The following DCK variants were observed in gnomAD, a reference collection of about 807,000 sequenced individuals.
DCK encodes the protein deoxycytidine kinase, also known as deoxyadenosine kinase.
In DCK, 23 loss-of-function variants were observed where a neutral mutation model predicts 38.3. The ratio of observed to expected loss-of-function variants is 0.60; its 90% CI spans 0.43 to 0.85. The LOEUF (loss-of-function observed/expected upper bound fraction) is 0.85, where lower values mean the gene tolerates loss of function less well. Among genes scored for constraint, DCK ranks in the 40% least tolerant of loss-of-function variants. DCK has a pLI of 0.00. For missense variants in DCK, 259 were observed against 304.4 expected (o/e 0.85, Z 1.11); for synonymous variants, 108 against 100.6 (o/e 1.07, Z -0.44).
chr4:71,023,484 G>T (rs1352794415), intron 3 of DCK, 75 bp from the exon 4 acceptor site: 1 of 974,886 alleles, frequency 1.0e-6, no homozygotes, highest in Non-Finnish European at 1.5e-6. Context: ...AATGTTTCAT[G>T]TTCCTGTTCT....
chr4:71,006,632 A>T (rs1488827714), intron 2 of DCK, among the ~76,000 whole-genome samples: 1 of 152,102 alleles, frequency 6.6e-6, no homozygotes, highest in East Asian at 1.9e-4. Flanking sequence ...ACATAGGGTG[A>T]CCCCGTCTCT....
intron 2 of DCK, chr4:71,006,472 AT>A (rs1005716529): frequency 3.4e-3 from 513 of 152,604 alleles, no homozygotes; most frequent in Middle Eastern, 6.7e-3. Context: ...TAATCCTGGA[AT>A]TTTTTTTTTT....
chr4:71,020,293 A>T (rs1396833002), intron 2 of DCK, among the ~76,000 whole-genome samples: 1 of 152,130 alleles, frequency 6.6e-6, no homozygotes, highest in East Asian at 1.9e-4. Context: ...TTTACTTTCA[A>T]TTCTTTTTTG....
At chr4:71,013,883 T>C (rs1740171644) in intron 2 of DCK, among the ~76,000 whole-genome samples, 1 of 152,170 alleles carries the variant, frequency 6.6e-6, no homozygotes, top group Admixed American at 6.5e-5. Flanking sequence ...AACATCATAA[T>C]GACAGGATCA....
chr4:71,029,196 A>C (rs191375982), intron 6 of DCK, among the ~76,000 whole-genome samples, 156 bp from the exon 7 acceptor site: 1 of 152,360 alleles, frequency 6.6e-6, no homozygotes, highest in East Asian at 1.9e-4. Flanking sequence ...GCCCGGCCTT[A>C]ACAATATTTC....
chr4:71,022,465 C>G lies in DCK; in HGVS notation c.306C>G (p.Leu102=). The G allele has an allele frequency of 6.2e-7, 1 of 1,610,760 alleles. No homozygotes were observed. The highest frequency in any genetic ancestry group is 8.5e-7 in the Non-Finnish European group (1 of 1,178,640). Residue 102 remains leucine (L), a synonymous_variant, in exon 3 of 7, where the codon CTC becomes CTG. Coordinates refer to ENST00000286648, the MANE Select transcript of DCK (RefSeq NM_000788.3). ...TTACCTTCCAAACATATGCCTGTCT[C>G]AGTCGAATAAGAGCTCAGCTTGCCT... ...WSFTFQTYAC[L]SRIRAQLASL...
chr4:71,025,053 C>G (rs556721670), intron 4 of DCK, among the ~76,000 whole-genome samples: 2 of 152,002 alleles, frequency 1.3e-5, no homozygotes, highest in African/African-American at 4.8e-5. Flanking sequence ...CTGCCATGGT[C>G]TTATGCATGT....
intron 6 of DCK, among the ~76,000 whole-genome samples, chr4:71,027,729 T>C (rs1200488146): frequency 6.6e-6 from 1 of 152,182 alleles, no homozygotes; most frequent in Non-Finnish European, 1.5e-5. Flanking sequence ...AACTAAAGCT[T>C]ATCTGGAAAA....
At chr4:71,028,755 G>C (rs1488903389) in intron 6 of DCK, 1 of 254,476 alleles carries the variant, frequency 3.9e-6, no homozygotes, top group South Asian at 2.5e-5. Flanking sequence ...TCCATGCCTA[G>C]CTAATTTTTT....
At chr4:70,994,109 G>C in intron 1 of DCK, 183 bp downstream of exon 1, 1 of 612,820 alleles carries the variant, frequency 1.6e-6, no homozygotes, top group Non-Finnish European at 2.9e-6. Context: ...CGCTCCACGG[G>C]GTGACTGCGG....
intron 6 of DCK, chr4:71,028,473 C>T (rs1391041970): frequency 6.8e-6 from 2 of 292,420 alleles, no homozygotes; most frequent in Middle Eastern, 1.2e-3. Context: ...GTGCACCTAG[C>T]CAGGAGTTCA....
intron 2 of DCK, among the ~76,000 whole-genome samples, chr4:71,021,066 C>CTTTTT (rs34109101): frequency 5.8e-5 from 5 of 85,994 alleles, no homozygotes; most frequent in Non-Finnish European, 9.7e-5. Context: ...GATGCTATTT[C>CTTTTT]TTTTTTTTTT....
chr4:71,025,783 CT>C, intron 4 of DCK, 32 bp from the exon 5 acceptor site: 1 of 1,565,146 alleles, frequency 6.4e-7, no homozygotes, highest in Non-Finnish European at 8.6e-7. Flanking sequence ...TGTTCCCTGC[CT>C]TTTTCTTCCA....
intron 2 of DCK, among the ~76,000 whole-genome samples, chr4:71,010,166 CTTTTTTTT>C (rs367836620): frequency 3.7e-5 from 5 of 135,362 alleles, no homozygotes; most frequent in African/African-American, 1.4e-4. Context: ...GCTGTTTTAG[CTTTTTTTT>C]TTTTTTTTTA....
In DCK at chr4:71,029,406, TG is replaced by T; in HGVS notation, c.*30del. ...TTGCTGAAGACTACAGGCAGCCAAATGGTTCCAGATACTTCAGCTTTGTGTA... is the reference window on the plus strand; with the variant it reads ...TTGCTGAAGACTACAGGCAGCCAAATGTTCCAGATACTTCAGCTTTGTGTA... On this transcript the variant is annotated 3_prime_UTR_variant, in exon 7 of 7. Transcript: ENST00000286648. 3 of 1,571,108 alleles carry T rather than the reference TG, an allele frequency of 1.9e-6. No individual in the cohort carries two copies. The highest frequency in any genetic ancestry group is 2.2e-5 in the South Asian group (2 of 89,640).
At chr4:70,994,005 C>T in intron 1 of DCK, 79 bp downstream of exon 1, 4 of 1,025,338 alleles carry the variant, frequency 3.9e-6, no homozygotes, top group East Asian at 5.0e-5. Flanking sequence ...CCGCATCTCT[C>T]TGCAGCAACT....
At chr4:71,011,624 CT>C (rs1473272707) in intron 2 of DCK, among the ~76,000 whole-genome samples, 1 of 152,196 alleles carries the variant, frequency 6.6e-6, no homozygotes, top group East Asian at 1.9e-4. Flanking sequence ...TCCCAAAGTG[CT>C]AGAATTAGGC....
intron 4 of DCK, 132 bp downstream of exon 4, chr4:71,023,838 A>C (rs1169442807): frequency 1.4e-6 from 1 of 718,286 alleles, no homozygotes; most frequent in East Asian, 3.1e-5. Flanking sequence ...TCTAAATTAG[A>C]AACTTGTAAC....
rs530001250 is a variant in DCK at position 70,999,127 on chromosome 4, G to A, written c.207+945G>A. Among the ~76,000 whole-genome samples, 6 of 152,076 alleles carry A rather than the reference G, an allele frequency of 3.9e-5. No homozygotes were observed. The East Asian group carries it at 5.8e-4, about 15-fold the overall frequency. ...GGTGGTTTGCTGCACCCGTCAACCC[G>A]TCATCTACATTAGGTATTTCTCCTA... On this transcript the variant is annotated intron_variant, in intron 2 of 6. Coordinates refer to ENST00000286648, the MANE Select transcript of DCK (RefSeq NM_000788.3).
Sources: gnomAD v4.1 joint callset for allele counts (sites outside exome capture counted in the v4.1 genomes callset) on GRCh38, gnomAD v4.1.1 for gene constraint, MANE v1.5 for transcripts, NCBI Gene and HGNC (gene_info 2026-07-23, HGNC 2026-07-21) for gene names.